The following CELF1 variants were observed in gnomAD, a reference collection of about 807,000 sequenced individuals.
CELF1 encodes the protein CUGBP Elav-like family member 1.
A neutral mutation model predicts 61.8 loss-of-function variants in CELF1; 10 were observed. The ratio of observed to expected loss-of-function variants is 0.16; its 90% CI spans 0.10 to 0.27. The LOEUF is 0.27. Among genes scored for constraint, CELF1 ranks in the 10% least tolerant of loss-of-function variants. CELF1 has a pLI of 1.00. For synonymous variants in CELF1, 236 were observed against 225.1 expected (o/e 1.05, Z -0.43); for missense variants, 380 against 639.1 (o/e 0.59, Z 4.37).
In CELF1 at chr11:47,472,258, C is replaced by G; in HGVS notation, c.1517G>C (p.Arg506Pro). The change falls in exon 15 of 15, where the codon CGT becomes CCT. Residue 506 changes from arginine (R) to proline (P), a missense_variant. Arg to Pro is a moderately radical substitution (Grantham distance 103). Transcript: ENST00000687097. ...GTAGGGCTTGCTGTCATTCTTCGAA[C>G]GTTTGAGCTGCACTTTAAGCCGCTT... ...GMKRLKVQLK[R>P]SKNDSKPY 1 of 1,614,184 alleles carries G rather than the reference C, an allele frequency of 6.2e-7. No homozygotes were observed. Among genetic ancestry groups the G allele is most frequent in the Non-Finnish European group, 8.5e-7 (1 of 1,180,026 alleles).
chr11:47,549,705 G>A (rs1201587552), intron 1 of CELF1, among the ~76,000 whole-genome samples: 1 of 152,136 alleles, frequency 6.6e-6, no homozygotes, highest in Non-Finnish European at 1.5e-5. Flanking sequence ...CAGGCATAGA[G>A]TTTCAGATAC....
intron 1 of CELF1, chr11:47,523,809 C>G (rs770476654): frequency 6.6e-6 from 1 of 152,190 alleles, no homozygotes. Flanking sequence ...TAAAACAAAG[C>G]AACAAACTTG....
At chr11:47,540,491 A>G (rs1348673930) in intron 1 of CELF1, among the ~76,000 whole-genome samples, 1 of 152,232 alleles carries the variant, frequency 6.6e-6, no homozygotes, top group Non-Finnish European at 1.5e-5. Context: ...CCACTAGCTG[A>G]CAAATGTCAA....
intron 1 of CELF1, among the ~76,000 whole-genome samples, chr11:47,520,053 C>T (rs560631143): frequency 2.1e-4 from 31 of 149,958 alleles, no homozygotes; most frequent in Admixed American, 4.6e-4. Context: ...AAAGCAACTA[C>T]ATTTTTAGAA....
At chr11:47,534,216 G>C (rs564928183) in intron 1 of CELF1, among the ~76,000 whole-genome samples, 1 of 150,838 alleles carries the variant, frequency 6.6e-6, no homozygotes, top group Non-Finnish European at 1.5e-5. Flanking sequence ...TTCTAGTAGA[G>C]ATGGGGTTTC....
chr11:47,549,815 T>C (rs1290746070), intron 1 of CELF1, among the ~76,000 whole-genome samples: 2 of 134,536 alleles, frequency 1.5e-5, no homozygotes, highest in African/African-American at 5.0e-5. Flanking sequence ...TTGTGGGTTT[T>C]TTTTGTTTTT....
intron 1 of CELF1, among the ~76,000 whole-genome samples, chr11:47,508,585 A>C (rs1310071031): frequency 7.8e-5 from 9 of 115,438 alleles, no homozygotes; most frequent in East Asian, 7.6e-4. Context: ...AAAAAAAAAA[A>C]ACCCAAAAGA....
At chr11:47,494,269 G>T in intron 3 of CELF1, 1 of 487,470 alleles carries the variant, frequency 2.1e-6, no homozygotes, top group Non-Finnish European at 2.7e-6. Flanking sequence ...GGAAAGGGAT[G>T]AAACCTACCC....
chr11:47,479,349 C>T (rs2081691631), intron 9 of CELF1, among the ~76,000 whole-genome samples: 1 of 152,188 alleles, frequency 6.6e-6, no homozygotes, highest in Non-Finnish European at 1.5e-5. Context: ...TTAGTTAGGT[C>T]CACACATCTC....
At chr11:47,508,346 A>G (rs1397595135) in intron 1 of CELF1, among the ~76,000 whole-genome samples, 1 of 152,166 alleles carries the variant, frequency 6.6e-6, no homozygotes, top group East Asian at 1.9e-4. Flanking sequence ...TTGGTTTTTC[A>G]TAGGCATCAC....
At chr11:47,549,093 G>A (rs1214261234) in intron 1 of CELF1, among the ~76,000 whole-genome samples, 3 of 151,982 alleles carry the variant, frequency 2.0e-5, no homozygotes, top group Admixed American at 6.6e-5. Flanking sequence ...CATTAAGATG[G>A]CCATGAAAAA....
In CELF1 at chr11:47,469,414, C is replaced by T. The variant is rs2077207166; in HGVS notation, c.*2816G>A. 1 of 152,252 alleles carries T rather than the reference C, an allele frequency of 6.6e-6. No individual in the cohort carries two copies. The highest frequency in any genetic ancestry group is 6.5e-5 in the Admixed American group (1 of 15,284). The allele number at this position is 152,252 out of a possible 1,614,324, so 9.4% of individuals were successfully genotyped here. On this transcript the variant is annotated 3_prime_UTR_variant, in exon 15 of 15. Transcript: ENST00000687097. ...TGGTCTGGCTGCATTCAAGGCAAATCAATTTCATGATGTAACCCAAGTAAG... is the reference window on the plus strand; with the variant it reads ...TGGTCTGGCTGCATTCAAGGCAAATTAATTTCATGATGTAACCCAAGTAAG...
intron 9 of CELF1, chr11:47,482,464 G>T: frequency 2.9e-6 from 1 of 341,644 alleles, no homozygotes; most frequent in East Asian, 4.6e-5. Flanking sequence ...ATTCACTTTA[G>T]TTGCAGCAAA....
At chr11:47,484,365 T>C (rs2085346311) in intron 7 of CELF1, 24 bp downstream of exon 7, 11 of 1,589,820 alleles carry the variant, frequency 6.9e-6, no homozygotes, top group African/African-American at 1.4e-5. Context: ...ACCAAAAGAT[T>C]ATTTAAAAGC....
At chr11:47,500,076 A>G (rs1036571399) in intron 2 of CELF1, among the ~76,000 whole-genome samples, 2 of 152,222 alleles carry the variant, frequency 1.3e-5, no homozygotes, top group African/African-American at 4.8e-5. Flanking sequence ...TAACCTCAGA[A>G]CAGTCACATA....
In CELF1 at chr11:47,472,261, T is replaced by C; in HGVS notation, c.1514A>G (p.Lys505Arg). ...IGMKRLKVQL[K>R]RSKNDSKPY is the part of the protein sequence containing the mutation. ...GGGCTTGCTGTCATTCTTCGAACGT[T>C]TGAGCTGCACTTTAAGCCGCTTCAT... is the stretch of plus-strand genomic sequence containing the variant. Residue 505 changes from lysine to arginine, a missense_variant, in exon 15 of 15, where the codon AAA becomes AGA. Lys to Arg is a conservative substitution (Grantham distance 26). Transcript: ENST00000687097. The C allele has an allele frequency of 1.2e-6, 2 of 1,614,162 alleles. No homozygotes were observed. The highest frequency in any genetic ancestry group is 1.7e-6 in the Non-Finnish European group (2 of 1,180,010).
intron 3 of CELF1, chr11:47,494,464 G>T: frequency 1.0e-6 from 1 of 983,182 alleles, no homozygotes; most frequent in Non-Finnish European, 1.2e-6. Flanking sequence ...ATACAATAGG[G>T]ATACAATTGG....
chr11:47,487,734 G>A (rs186935573), intron 4 of CELF1, among the ~76,000 whole-genome samples: 40 of 152,254 alleles, frequency 2.6e-4, no homozygotes, highest in African/African-American at 9.1e-4. Context: ...ATTATAAAAT[G>A]ACTTAAGAGC....
intron 3 of CELF1, among the ~76,000 whole-genome samples, chr11:47,489,932 C>CTTTTTTTTTTTTTTTTTTTT (rs530410346): frequency 1.0e-3 from 24 of 23,450 alleles, no homozygotes; most frequent in African/African-American, 1.7e-3. Flanking sequence ...AACATACCAT[C>CTTTTTTTTTTTTTTTTTTTT]TTGTTTTTTT....
Sources: allele counts gnomAD v4.1 joint callset (sites outside exome capture counted in the v4.1 genomes callset), GRCh38; gene constraint gnomAD v4.1.1; transcripts MANE v1.5; gene names NCBI Gene and HGNC (gene_info 2026-07-23, HGNC 2026-07-21).